The following WDR35 variants were observed in gnomAD, a reference collection of about 807,000 sequenced individuals.
WDR35 encodes WD repeat-containing protein 35.
In WDR35, 118 loss-of-function variants were observed where a neutral mutation model predicts 158.3. The ratio of observed to expected loss-of-function variants is 0.75; its 90% CI spans 0.64 to 0.87. WDR35 has a LOEUF of 0.87. Among genes scored for constraint, WDR35 ranks in the 40% least tolerant of loss-of-function variants. The probability of loss-of-function intolerance (pLI) is 0.00; values close to 1 mark genes in which losing one functional copy is unlikely to be tolerated. For synonymous variants in WDR35, 448 were observed against 476.1 expected (o/e 0.94, Z 0.77); for missense variants, 1,263 against 1,405.8 (o/e 0.90, Z 1.62).
chr2:19,948,250 C>T (rs1671120610), intron 13 of WDR35, 33 bp from the exon 14 acceptor site: 1 of 1,577,096 alleles, frequency 6.3e-7, no homozygotes, highest in Non-Finnish European at 8.7e-7. Context: ...TACTATTCAA[C>T]AAACATTTAT....
chr2:19,975,852 T>C (rs954627119), intron 5 of WDR35, among the ~76,000 whole-genome samples, 189 bp from the exon 6 acceptor site: 1 of 152,232 alleles, frequency 6.6e-6, no homozygotes, highest in Non-Finnish European at 1.5e-5. Flanking sequence ...AGCAGCTGTT[T>C]CAACCTTTCT....
At position 19,946,213 on chromosome 2, in the gene WDR35, C is replaced by G. The variant is rs141666763; in HGVS notation, c.1635-217G>C. ...GAGGAAAATGTATCCAGAGACAAAA[C>G]CAATTGGTATGAAATATAAAATAGT... On this transcript the variant is annotated intron_variant, in intron 15 of 26. Transcript: ENST00000281405. Among the ~76,000 whole-genome samples, 319 of 152,210 alleles carry G rather than the reference C, an allele frequency of 2.1e-3. 2 individuals carry two copies. Among genetic ancestry groups the G allele is most frequent in the African/African-American group, 7.1e-3 (295 of 41,538 alleles).
At chr2:19,967,392 A>C (rs1671891557) in intron 9 of WDR35, among the ~76,000 whole-genome samples, 1 of 152,108 alleles carries the variant, frequency 6.6e-6, no homozygotes, top group African/African-American at 2.4e-5. Flanking sequence ...ATTTAAAACA[A>C]AAACAAATGT....
intron 25 of WDR35, among the ~76,000 whole-genome samples, chr2:19,927,664 G>T (rs1351744105): frequency 6.6e-6 from 1 of 152,130 alleles, no homozygotes; most frequent in Admixed American, 6.5e-5. Flanking sequence ...ATTTGGGAAA[G>T]AATAAAAAAG....
At chr2:19,988,871 A>G (rs1672654031) in intron 2 of WDR35, among the ~76,000 whole-genome samples, 1 of 152,230 alleles carries the variant, frequency 6.6e-6, no homozygotes, top group Admixed American at 6.5e-5. Flanking sequence ...GATTTCTTTT[A>G]GACTCCTAAT....
chr2:19,942,862 C>T (rs1558335764), intron 16 of WDR35, among the ~76,000 whole-genome samples: 2 of 152,088 alleles, frequency 1.3e-5, no homozygotes, highest in Admixed American at 1.3e-4. Flanking sequence ...TCTCACCTAA[C>T]CAGTATGCAA....
intron 11 of WDR35, 102 bp from the exon 12 acceptor site, chr2:19,954,080 T>C: frequency 7.7e-7 from 1 of 1,300,214 alleles, no homozygotes; most frequent in Non-Finnish European, 1.1e-6. Flanking sequence ...CCTCATTTTA[T>C]AGACAATATA....
chr2:19,960,518 T>C, intron 11 of WDR35, 36 bp downstream of exon 11: 1 of 1,535,758 alleles, frequency 6.5e-7, no homozygotes, highest in Non-Finnish European at 9.0e-7. Context: ...AAATAAAACC[T>C]GATTGGAAAA....
rs371405507 is a variant in WDR35, at chr2:19,990,041, C to T, written c.-26G>A. The T allele has an allele frequency of 2.0e-5, 33 of 1,613,220 alleles. No individual in the cohort carries two copies. In the African/African-American group the frequency reaches 3.9e-4, roughly 19 times the overall value. On this transcript the variant is annotated 5_prime_UTR_variant, in exon 1 of 27. Coordinates refer to ENST00000281405, the MANE Select transcript of WDR35 (RefSeq NM_020779.4). ...CGTGGGATCCCCGAGAGGGTCACGG[C>T]GGCCGCTAAGGCCCTCGACAAGTAA...
intron 5 of WDR35, among the ~76,000 whole-genome samples, chr2:19,976,129 TC>T (rs1558357253): frequency 6.6e-6 from 1 of 152,166 alleles, no homozygotes; most frequent in Non-Finnish European, 1.5e-5. Flanking sequence ...TGCAAAGATC[TC>T]CCTTTATCGA....
intron 11 of WDR35, among the ~76,000 whole-genome samples, chr2:19,958,941 G>C (rs1401704592): frequency 6.6e-6 from 1 of 152,014 alleles, no homozygotes; most frequent in East Asian, 1.9e-4. Flanking sequence ...AGGAAGAGTA[G>C]GTGGCAAAAC....
intron 19 of WDR35, among the ~76,000 whole-genome samples, chr2:19,936,654 T>C (rs993303981): frequency 2.0e-5 from 3 of 152,156 alleles, no homozygotes; most frequent in Non-Finnish European, 4.4e-5. Context: ...CCCTTATGAA[T>C]TGATTAATGC....
intron 16 of WDR35, among the ~76,000 whole-genome samples, chr2:19,945,163 T>C (rs905593780): frequency 2.6e-5 from 4 of 151,982 alleles, no homozygotes; most frequent in Admixed American, 6.6e-5. Flanking sequence ...ATCCAGAGCA[T>C]AGAAATTAGC....
intron 11 of WDR35, among the ~76,000 whole-genome samples, chr2:19,958,527 C>T: frequency 6.6e-6 from 1 of 152,168 alleles, no homozygotes; most frequent in Non-Finnish European, 1.5e-5. Context: ...TTCCCAGTGA[C>T]CAGTACAGTA....
At position 19,913,435 on chromosome 2, in the gene WDR35, A is replaced by G. The variant is rs1669895158; in HGVS notation, c.*123T>C. On this transcript the variant is annotated 3_prime_UTR_variant, in exon 27 of 27. Transcript: ENST00000281405. The stretch of plus-strand genomic sequence containing the variant: ...AACATATATTTTGTGCAAAAATTCA[A>G]CTATAAATAATGAGGCTGATTTTCA... 1 of 1,295,186 alleles carries G rather than the reference A, an allele frequency of 7.7e-7. No homozygotes were observed. Among genetic ancestry groups the G allele is most frequent in the African/African-American group, 1.5e-5 (1 of 67,172 alleles). 80.2% of individuals were successfully genotyped at this position (1,295,186 alleles called of 1,614,324 possible). A position where few individuals can be genotyped will look rare whatever the true frequency, so the allele number is the denominator to read the frequency against.
rs1283339762 is a variant in WDR35 at position 19,930,516 on chromosome 2, CTT to C, written c.2999_3000del (p.Glu1000GlyfsTer11). ...TSALAGLLEE[E>X]VLSTTDRFTD... ...GTGAAACGATCTGTTGTAGACAGAACTTCTTCTTCCAGCAAACCAGCCAAGGC... is the reference window on the plus strand; with the variant it reads ...GTGAAACGATCTGTTGTAGACAGAACCTTCTTCCAGCAAACCAGCCAAGGC... On this transcript the variant is annotated frameshift_variant, in exon 25 of 27. Transcript: ENST00000281405. LOFTEE classifies it high-confidence loss of function. 1.9e-6 allele frequency: 3 copies of C among 1,613,974 alleles called. No individual in the cohort carries two copies. In the South Asian group the frequency reaches 3.3e-5, roughly 18 times the overall value.
chr2:19,986,911 T>G (rs1672582817), intron 2 of WDR35, among the ~76,000 whole-genome samples: 1 of 152,134 alleles, frequency 6.6e-6, no homozygotes, highest in Non-Finnish European at 1.5e-5. Context: ...GAATGCCATT[T>G]CTAGAGATTT....
intron 25 of WDR35, among the ~76,000 whole-genome samples, chr2:19,919,801 T>C (rs975537096): frequency 6.6e-6 from 1 of 151,946 alleles, no homozygotes; most frequent in Non-Finnish European, 1.5e-5. Context: ...CAGGAACTGG[T>C]TTTTTGAATA....
chr2:19,951,428 C>T lies in WDR35; in HGVS notation c.1457G>A (p.Ser486Asn). Reference protein sequence around the residue: ...SGSMDGVLDYSKTIQGTRDPI... With the variant: ...SGSMDGVLDYNKTIQGTRDPI... ...AAAATCACCTACTTGAATGGTTTTA[C>T]TATAATCAAGCACACCATCCATTGA... The change falls in exon 13 of 27, where the codon AGT becomes AAT. Residue 486 changes from serine (S) to asparagine (N), a missense_variant. Coordinates refer to ENST00000281405, the MANE Select transcript of WDR35 (RefSeq NM_020779.4). The T allele has an allele frequency of 6.2e-7, 1 of 1,610,690 alleles. No homozygotes were observed. The highest frequency in any genetic ancestry group is 1.7e-5 in the Admixed American group (1 of 59,868).
Sources: gnomAD v4.1 joint callset for allele counts (sites outside exome capture counted in the v4.1 genomes callset) on GRCh38, gnomAD v4.1.1 for gene constraint, MANE v1.5 for transcripts, NCBI Gene and HGNC (gene_info 2026-07-23, HGNC 2026-07-21) for gene names.